PRX: variants seen among roughly 807,000 people sequenced by gnomAD.
PRX encodes the protein periaxin.
Under a neutral mutation model 29.6 loss-of-function variants are expected in PRX, and 24 were observed. That is an observed-to-expected ratio of 0.81 (90% CI 0.59 to 1.14). The LOEUF (loss-of-function observed/expected upper bound fraction) is 1.14. Among genes scored for constraint, PRX ranks in the 50% most tolerant of loss-of-function variants. PRX has a pLI of 0.00. For synonymous variants in PRX, 772 were observed against 831.7 expected (o/e 0.93, Z 1.24); for missense variants, 1,838 against 1,926.4 (o/e 0.95, Z 0.86).
chr19:40,399,236 C>T (rs1203955516), intron 5 of PRX, among the ~76,000 whole-genome samples: 3 of 152,186 alleles, frequency 2.0e-5, no homozygotes, highest in Non-Finnish European at 4.4e-5. Context: ...GGCAATCTCT[C>T]CACCGCCTTC....
intron 5 of PRX, among the ~76,000 whole-genome samples, chr19:40,399,853 T>TTC (rs1162367595): frequency 1.7e-5 from 1 of 60,546 alleles, no homozygotes; most frequent in African/African-American, 1.2e-4. Flanking sequence ...TTTCTTTCCT[T>TTC]TCTTTCTTTC....
chr19:40,407,859 C>T (rs767262816), intron 4 of PRX, 47 bp downstream of exon 4: 2 of 1,611,026 alleles, frequency 1.2e-6, no homozygotes, highest in South Asian at 1.1e-5. Flanking sequence ...TAGTCTGTGC[C>T]TCCCCATTGC....
chr19:40,397,704 T>C lies in PRX; in HGVS notation c.648A>G (p.Lys216=), dbSNP rs1199712298. 1.9e-6 allele frequency: 3 copies of C among 1,562,546 alleles called. No homozygotes were observed. Among genetic ancestry groups the C allele is most frequent in the Admixed American group, 1.9e-5 (1 of 52,970 alleles). The change falls in exon 7 of 7, where the codon AAA becomes AAG. Residue 216 remains lysine, a synonymous_variant. Transcript: ENST00000324001. ...RLAAAAPPPR[K]AKVEAEVAAG... is the part of the protein sequence containing the mutation. ...CAGCCACCTCAGCCTCCACCTTGGC[T>C]TTCCTGGGGGGAGGAGCGGCGGCGG... is the stretch of plus-strand genomic sequence containing the variant.
intron 5 of PRX, among the ~76,000 whole-genome samples, chr19:40,399,082 CTT>C (rs1364287378): frequency 1.3e-5 from 2 of 152,060 alleles, no homozygotes; most frequent in Admixed American, 6.6e-5. Context: ...CAGATACTGA[CTT>C]TGCTTCTTTT....
chr19:40,407,936 G>A lies in PRX; in HGVS notation c.-4C>T, dbSNP rs1019042703. The A allele has an allele frequency of 5.0e-6, 8 of 1,613,608 alleles. No individual in the cohort carries two copies. Among genetic ancestry groups the A allele is most frequent in the African/African-American group, 1.3e-5 (1 of 74,918 alleles). On this transcript the variant is annotated 5_prime_UTR_variant, in exon 4 of 7. The change creates a new upstream start codon in the 5' untranslated region. Transcript: ENST00000324001. ...CACTCCGGCTCCTGGCCTCCATGGC[G>A]TTGCTGGGAGGCACCTGCACCCCAG...
intron 5 of PRX, among the ~76,000 whole-genome samples, chr19:40,402,732 G>A (rs1430936415): frequency 7.2e-6 from 1 of 139,564 alleles, no homozygotes; most frequent in Non-Finnish European, 1.5e-5. Context: ...CCGAGATTGC[G>A]CCACTGCACT....
intron 4 of PRX, among the ~76,000 whole-genome samples, chr19:40,405,846 C>T (rs1156657424): frequency 6.6e-6 from 1 of 151,364 alleles, no homozygotes; most frequent in African/African-American, 2.4e-5. Flanking sequence ...ACCATGTTGG[C>T]CAGGATGGTC....
In PRX at chr19:40,397,721, C is replaced by G. The variant is rs112973322; in HGVS notation, c.631G>C (p.Ala211Pro). ...EAQAARLAAA[A>P]PPPRKAKVEA... ...ACCTTGGCTTTCCTGGGGGGAGGAG[C>G]GGCGGCGGCCAGCCGGGCTGCCTGA... Residue 211 changes from alanine (A) to proline (P), a missense_variant, in exon 7 of 7, where the codon GCT becomes CCT. This residue lies in a region of PRX where 666 missense variants were observed against 665.0 expected (regional missense o/e 1.00). Transcript: ENST00000324001. 1 of 1,559,206 alleles carries G rather than the reference C, an allele frequency of 6.4e-7. No individual in the cohort carries two copies. Among genetic ancestry groups the G allele is most frequent in the Admixed American group, 1.9e-5 (1 of 52,252 alleles).
chr19:40,412,434 C>T (rs2079562720), intron 1 of PRX, among the ~76,000 whole-genome samples: 1 of 152,156 alleles, frequency 6.6e-6, no homozygotes, highest in African/African-American at 2.4e-5. Context: ...GAGAGAACAG[C>T]AGGTGCTTAG....
chr19:40,406,704 C>T (rs1437264233), intron 4 of PRX, among the ~76,000 whole-genome samples: 2 of 151,836 alleles, frequency 1.3e-5, no homozygotes, highest in Non-Finnish European at 2.9e-5. Flanking sequence ...GAGGCTTCCT[C>T]AGCACCAGAC....
chr19:40,408,040 G>A lies in PRX; in HGVS notation c.-99-9C>T. The A allele has an allele frequency of 6.8e-7, 1 of 1,464,108 alleles. No individual in the cohort carries two copies. The highest frequency in any genetic ancestry group is 9.4e-7 in the Non-Finnish European group (1 of 1,062,282). 90.7% of individuals were successfully genotyped at this position (1,464,108 alleles called of 1,614,324 possible). A position where few individuals can be genotyped will look rare whatever the true frequency, so the allele number is the denominator to read the frequency against. On this transcript the variant is annotated splice_polypyrimidine_tract_variant and intron_variant, in intron 3 of 6. Transcript: ENST00000324001. ...AGCAGCTGCCTCTGAGCCTGTGGGA[G>A]GACAGCAGTGGAGGCTTGAGGCCAG...
At position 40,395,004 on chromosome 19, in the gene PRX, C is replaced by A; in HGVS notation, c.3348G>T (p.Val1116=). 2 of 1,609,530 alleles carry A rather than the reference C, an allele frequency of 1.2e-6. No homozygotes were observed. Among genetic ancestry groups the A allele is most frequent in the Non-Finnish European group, 1.7e-6 (2 of 1,179,908 alleles). Residue 1116 remains valine, a synonymous_variant, in exon 7 of 7, where the codon GTG becomes GTT. Transcript: ENST00000324001. ...CTGACAGCTGCATTCCACTGACGGC[C>A]ACAGCCCCCTCTGCCCTCCCTTCCT... ...AQEEGRAEGA[V]AVSGMQLSGL... is the part of the protein sequence containing the mutation.
intron 5 of PRX, among the ~76,000 whole-genome samples, chr19:40,402,908 G>A (rs1226669167): frequency 2.0e-5 from 3 of 151,304 alleles, no homozygotes; most frequent in Admixed American, 6.6e-5. Context: ...GGTGGCTCAC[G>A]CCTGTAATCC....
intron 4 of PRX, 121 bp from the exon 5 acceptor site, chr19:40,403,983 G>T: frequency 1.7e-6 from 2 of 1,171,618 alleles, no homozygotes; most frequent in Non-Finnish European, 2.4e-6. Flanking sequence ...AGAGACGGGG[G>T]TGGGGGACGG....
Position 40,398,594 on chromosome 19 carries a change from G to T in PRX, c.381+26C>A. ...GACCGGATCGCTGGGGCAGTCCAGG[G>T]CCGGGGCCGGGCTAAGCACGCGTAC... On this transcript the variant is annotated intron_variant, in intron 6 of 6. Coordinates refer to ENST00000324001, the MANE Select transcript of PRX (RefSeq NM_181882.3). This position sits in a 1 kb window ranked among gnomAD's most constrained non-coding sequence, Gnocchi z 6.3. 1.2e-6 allele frequency: 2 copies of T among 1,611,944 alleles called. No homozygotes were observed. The highest frequency in any genetic ancestry group is 1.7e-6 in the Non-Finnish European group (2 of 1,179,530).
At chr19:40,407,072 C>G (rs2079534537) in intron 4 of PRX, among the ~76,000 whole-genome samples, 2 of 151,962 alleles carry the variant, frequency 1.3e-5, no homozygotes, top group Non-Finnish European at 2.9e-5. Flanking sequence ...CTGCGCCCAG[C>G]CCCATTACCT....
intron 1 of PRX, among the ~76,000 whole-genome samples, chr19:40,411,719 T>G (rs2079559642): frequency 6.6e-6 from 1 of 151,990 alleles, no homozygotes; most frequent in African/African-American, 2.4e-5. Context: ...GAGAGGACTC[T>G]GTGTTCCCAG....
At position 40,395,829 on chromosome 19, in the gene PRX, C is replaced by T. The variant is rs780710089; in HGVS notation, c.2523G>A (p.Val841=). The change falls in exon 7 of 7, where the codon GTG becomes GTA. Residue 841 remains valine, a synonymous_variant. Transcript: ENST00000324001. ...GGACACCCACATGAGCCTCACCATC[C>T]ACCTCTGGCTGCAGACAGGGAAGTG... ...LVTLPCLQPE[V]DGEAHVGVPS... 22 of 1,614,206 alleles carry T rather than the reference C, an allele frequency of 1.4e-5. No individual in the cohort carries two copies. Among genetic ancestry groups the T allele is most frequent in the Non-Finnish European group, 1.9e-5 (22 of 1,180,040 alleles).
At position 40,397,621 on chromosome 19, in the gene PRX, G is replaced by A. The variant is rs118071705; in HGVS notation, c.731C>T (p.Ala244Val). Residue 244 changes from alanine to valine, a missense_variant, in exon 7 of 7, where the codon GCG (alanine) becomes GTG (valine). Ala to Val is a moderately conservative substitution (Grantham distance 64, BLOSUM62 0). Around this residue, in one of 3 missense-constraint regions of PRX, gnomAD observed 666 missense variants for 665.0 expected, o/e 1.00. Coordinates refer to ENST00000324001, the MANE Select transcript of PRX (RefSeq NM_181882.3). ...TGAGACCTGGGGGACACCCACCTCC[G>A]CCCCTGGCAGCCGCGGCCCAACCAG... is the stretch of plus-strand genomic sequence containing the variant. ...VELVGPRLPGAEVGVPQVSAP... is the reference protein window; with the variant it reads ...VELVGPRLPGVEVGVPQVSAP... 0.018 allele frequency: 27,343 copies of A among 1,541,072 alleles called. 310 individuals carry two copies. The highest frequency in any genetic ancestry group is 0.021 in the Non-Finnish European group (24,185 of 1,148,788).
Sources: allele counts gnomAD v4.1 joint callset (sites outside exome capture counted in the v4.1 genomes callset), GRCh38; gene constraint gnomAD v4.1.1; regional missense constraint gnomAD v4.1.1; non-coding constraint Gnocchi (gnomAD v3.1); transcripts MANE v1.5; gene names NCBI Gene and HGNC (gene_info 2026-07-23, HGNC 2026-07-21).